The following DCTD variants were observed in gnomAD, a reference collection of about 807,000 sequenced individuals.
DCTD encodes deoxycytidylate deaminase.
In DCTD, 23 loss-of-function variants were observed where a neutral mutation model predicts 21.0. The ratio of observed to expected loss-of-function variants is 1.09; its 90% CI spans 0.79 to 1.55. The LOEUF is 1.55. Ranked by LOEUF, DCTD falls within the 40% of genes most tolerant of loss-of-function variation. The pLI is 0.00. For missense variants in DCTD, 224 were observed against 230.0 expected, an observed-to-expected ratio of 0.97 and a Z score of 0.17; for synonymous variants, 71 against 81.1, an observed-to-expected ratio of 0.88 and a Z score of 0.67.
intron 3 of DCTD, among the ~76,000 whole-genome samples, chr4:182,909,643 A>G (rs1484390771): frequency 2.0e-5 from 3 of 152,244 alleles, no homozygotes; most frequent in African/African-American, 7.2e-5. Context: ...CTTAATTACT[A>G]AGAAGCTCTT....
intron 3 of DCTD, among the ~76,000 whole-genome samples, chr4:182,909,462 T>C (rs1277290190): frequency 1.3e-5 from 2 of 152,168 alleles, no homozygotes; most frequent in Non-Finnish European, 2.9e-5. Context: ...AGTCCCTAAT[T>C]AGACCTGCTG....
At position 182,894,589 on chromosome 4, in the gene DCTD, C is replaced by T. The variant is rs1212351411; in HGVS notation, c.261G>A (p.Leu87=). The T allele has an allele frequency of 1.1e-5, 18 of 1,613,302 alleles. No individual in the cohort carries two copies. The highest frequency in any genetic ancestry group is 1.4e-5 in the Non-Finnish European group (17 of 1,179,308). ...TCGAATTTTTGTTCATGATGGCATTCAGCTCCGCATGGCACACTGTGGGTT... is the reference window on the plus strand; with the variant it reads ...TCGAATTTTTGTTCATGATGGCATTTAGCTCCGCATGGCACACTGTGGGTT... The part of the protein sequence containing the change: ...TKYPYVCHAE[L]NAIMNKNSTD... The change falls in exon 4 of 6, where the codon CTG becomes CTA. Residue 87 remains leucine, a synonymous_variant. Transcript: ENST00000438320.
chr4:182,913,159 T>C (rs971935888), intron 3 of DCTD, among the ~76,000 whole-genome samples: 9 of 152,230 alleles, frequency 5.9e-5, no homozygotes, highest in Non-Finnish European at 1.0e-4. Flanking sequence ...CAAAAGCTTA[T>C]AGAATCAAAA....
chr4:182,915,722 G>A, intron 1 of DCTD, 147 bp from the exon 2 acceptor site: 1 of 738,584 alleles, frequency 1.4e-6, no homozygotes, highest in Non-Finnish European at 2.2e-6. Context: ...CAGCACATGG[G>A]CCCTAAACAG....
At chr4:182,900,369 G>A (rs1224165077) in intron 3 of DCTD, among the ~76,000 whole-genome samples, 1 of 152,026 alleles carries the variant, frequency 6.6e-6, no homozygotes, top group African/African-American at 2.4e-5. Context: ...TGCTCAACCT[G>A]TACAATAAAC....
At chr4:182,915,137 G>C in intron 2 of DCTD, 79 bp from the exon 3 acceptor site, 3 of 1,572,264 alleles carry the variant, frequency 1.9e-6, no homozygotes, top group Non-Finnish European at 2.6e-6. Context: ...TAAAACCAGG[G>C]GGACTGCAGA....
chr4:182,902,161 C>A (rs184874823), intron 3 of DCTD, among the ~76,000 whole-genome samples: 2 of 152,148 alleles, frequency 1.3e-5, no homozygotes, highest in African/African-American at 2.4e-5. Flanking sequence ...CTATCCTGCA[C>A]GTCAATAATT....
chr4:182,910,370 G>A (rs903751639), intron 3 of DCTD, among the ~76,000 whole-genome samples: 3 of 152,142 alleles, frequency 2.0e-5, no homozygotes, highest in Non-Finnish European at 4.4e-5. Flanking sequence ...AATCGGTTAC[G>A]AAAACCCAAG....
rs764782245 is a variant in DCTD at position 182,894,510 on chromosome 4, C to A, written c.340G>T (p.Ala114Ser). ...CTACCTGCCTGGATGATGAGCTTAGCGCATTCATTACAAGGGAACAAGGCA... is the reference window on the plus strand; with the variant it reads ...CTACCTGCCTGGATGATGAGCTTAGAGCATTCATTACAAGGGAACAAGGCA... ...YVALFPCNEC[A>S]KLIIQAGIKE... Residue 114 changes from alanine (A) to serine (S), a missense_variant, in exon 4 of 6, where the codon GCT becomes TCT. Physicochemically the swap from Ala to Ser is moderately conservative, Grantham distance 99. Coordinates refer to ENST00000438320, the MANE Select transcript of DCTD (RefSeq NM_001921.3). 2 of 1,612,368 alleles carry A rather than the reference C, an allele frequency of 1.2e-6. No homozygotes were observed. The highest frequency in any genetic ancestry group is 1.1e-5 in the South Asian group (1 of 91,052).
rs778279392 is a variant in DCTD, at chr4:182,915,052, C to T, written c.115G>A (p.Ala39Thr). Residue 39 changes from alanine (A) to threonine (T), a missense_variant, in exon 3 of 6, where the codon GCC becomes ACC. Ala to Thr is a moderately conservative substitution (Grantham distance 58). Transcript: ENST00000438320. ...RSKDPNSQVGACIVNSENKIV... is the reference protein window; with the variant it reads ...RSKDPNSQVGTCIVNSENKIV... ...TTGTTTTCTGAATTCACGATGCAGG[C>T]GCCGACCTAGAAGGAAACATGCCCA... is the stretch of plus-strand genomic sequence containing the variant. 1.7e-5 allele frequency: 28 copies of T among 1,614,096 alleles called. No homozygotes were observed. In the African/African-American group the frequency reaches 2.0e-4, roughly 12 times the overall value.
At chr4:182,904,770 G>A (rs985606722) in intron 3 of DCTD, among the ~76,000 whole-genome samples, 3 of 93,532 alleles carry the variant, frequency 3.2e-5, no homozygotes, top group East Asian at 3.5e-4. Context: ...TTCCTCCACC[G>A]GAATGGTGCA....
chr4:182,904,793 C>A (rs1430953175), intron 3 of DCTD, among the ~76,000 whole-genome samples: 1 of 152,196 alleles, frequency 6.6e-6, no homozygotes, highest in Non-Finnish European at 1.5e-5. Flanking sequence ...TGATCACACT[C>A]TGCCTTTCGC....
chr4:182,914,396 T>G (rs2152864698), intron 3 of DCTD, among the ~76,000 whole-genome samples: 1 of 152,374 alleles, frequency 6.6e-6, no homozygotes, highest in African/African-American at 2.4e-5. Context: ...CTCCATCTCC[T>G]GATGTCTAGT....
chr4:182,908,728 TAAAG>T (rs1357026829), intron 3 of DCTD, among the ~76,000 whole-genome samples: 3 of 116,252 alleles, frequency 2.6e-5, no homozygotes, highest in African/African-American at 9.7e-5. Flanking sequence ...GAAGAAGAAA[TAAAG>T]AAGGAATATC....
intron 3 of DCTD, among the ~76,000 whole-genome samples, chr4:182,901,977 G>A (rs1235940400): frequency 1.3e-5 from 2 of 152,228 alleles, no homozygotes; most frequent in South Asian, 2.1e-4. Context: ...GCCCACAGAT[G>A]CCTGATGGAA....
chr4:182,895,254 A>G (rs1734536161), intron 3 of DCTD, among the ~76,000 whole-genome samples: 1 of 152,130 alleles, frequency 6.6e-6, no homozygotes, highest in Non-Finnish European at 1.5e-5. Flanking sequence ...TATCTTTTGT[A>G]GAGATGGAGT....
intron 3 of DCTD, among the ~76,000 whole-genome samples, chr4:182,905,943 G>C (rs1411430897): frequency 1.3e-5 from 2 of 152,080 alleles, no homozygotes; most frequent in Non-Finnish European, 2.9e-5. Flanking sequence ...CATTTGGGGG[G>C]AGTCAATCTA....
At chr4:182,891,837 GTCTC>G (rs1295115006) in intron 5 of DCTD, among the ~76,000 whole-genome samples, 1 of 151,930 alleles carries the variant, frequency 6.6e-6, no homozygotes, top group Admixed American at 6.6e-5. Flanking sequence ...CCAACTTGGA[GTCTC>G]TCTAATGCAA....
chr4:182,896,728 G>T (rs1309092959), intron 3 of DCTD, among the ~76,000 whole-genome samples: 1 of 152,170 alleles, frequency 6.6e-6, no homozygotes, highest in Non-Finnish European at 1.5e-5. Flanking sequence ...ACGCTGCTTG[G>T]TGTTAAAAAC....
Sources: allele counts gnomAD v4.1 joint callset (sites outside exome capture counted in the v4.1 genomes callset), GRCh38; gene constraint gnomAD v4.1.1; transcripts MANE v1.5; gene names NCBI Gene and HGNC (gene_info 2026-07-23, HGNC 2026-07-21).